SEMA5A: variants seen among roughly 807,000 people sequenced by gnomAD.
The protein encoded by SEMA5A is semaphorin 5A.
A neutral mutation model predicts 135.5 loss-of-function variants in SEMA5A; 55 were observed. That is an observed-to-expected ratio of 0.41 (90% CI 0.33 to 0.51). The LOEUF (loss-of-function observed/expected upper bound fraction) is 0.51, where lower values mean the gene tolerates loss of function less well. SEMA5A is among the 20% of genes least tolerant of loss of function. The probability of loss-of-function intolerance (pLI) is 0.37; values close to 1 mark genes in which losing one functional copy is unlikely to be tolerated. For missense variants in SEMA5A, 1,290 were observed against 1,419.9 expected (o/e 0.91, Z 1.47); for synonymous variants, 580 against 546.5 (o/e 1.06, Z -0.85).
chr5:9,176,716 C>T (rs1005074568), intron 11 of SEMA5A, among the ~76,000 whole-genome samples: 1 of 152,204 alleles, frequency 6.6e-6, no homozygotes, highest in Non-Finnish European at 1.5e-5. Flanking sequence ...AGTTCCTATT[C>T]CCAAAGCTGA....
intron 2 of SEMA5A, among the ~76,000 whole-genome samples, chr5:9,437,442 T>A (rs1402329548): frequency 2.0e-5 from 3 of 152,130 alleles, no homozygotes; most frequent in Non-Finnish European, 2.9e-5. Context: ...CTGCAAACTC[T>A]GCCTCCTGGG....
intron 5 of SEMA5A, among the ~76,000 whole-genome samples, chr5:9,272,852 C>A (rs1271088493): frequency 6.6e-6 from 1 of 152,026 alleles, no homozygotes; most frequent in African/African-American, 2.4e-5. Flanking sequence ...AGACACCAGC[C>A]AAAGGTCACT....
At chr5:9,496,489 A>C (rs1735307905) in intron 1 of SEMA5A, among the ~76,000 whole-genome samples, 1 of 152,238 alleles carries the variant, frequency 6.6e-6, no homozygotes, top group African/African-American at 2.4e-5. Flanking sequence ...AGAAACTTCC[A>C]CCTAGACAGT....
At chr5:9,301,671 A>G (rs184301614) in intron 5 of SEMA5A, among the ~76,000 whole-genome samples, 4 of 152,230 alleles carry the variant, frequency 2.6e-5, no homozygotes, top group African/African-American at 9.6e-5. Context: ...GCACAGTGCA[A>G]TGTCATTAAA....
intron 1 of SEMA5A, among the ~76,000 whole-genome samples, chr5:9,544,050 A>G (rs1390141722): frequency 6.6e-6 from 1 of 152,228 alleles, no homozygotes; most frequent in East Asian, 1.9e-4. Context: ...CAACAAATTC[A>G]GCAATCCTAA....
intron 16 of SEMA5A, among the ~76,000 whole-genome samples, chr5:9,106,719 T>G (rs1739935674): frequency 6.6e-6 from 1 of 152,232 alleles, no homozygotes; most frequent in Non-Finnish European, 1.5e-5. Context: ...GTTCATAAAT[T>G]TGTCATTTTA....
intron 5 of SEMA5A, among the ~76,000 whole-genome samples, chr5:9,264,549 G>A (rs1306152390): frequency 6.6e-6 from 1 of 152,164 alleles, no homozygotes; most frequent in Non-Finnish European, 1.5e-5. Context: ...GATGTCAGCT[G>A]AACCACTTGA....
Position 9,044,575 on chromosome 5 carries a change from A to G in SEMA5A, c.2903T>C (p.Met968Thr), listed in dbSNP as rs1349082231. 2.5e-6 allele frequency: 4 copies of G among 1,614,026 alleles called. No homozygotes were observed. The highest frequency in any genetic ancestry group is 1.7e-4 in the Middle Eastern group (1 of 5,966). The change falls in exon 22 of 23, where the codon ATG becomes ACG. Residue 968 changes from methionine to threonine, a missense_variant. By Grantham distance (81) the Met-to-Thr change is moderately conservative. This residue lies in a region of SEMA5A where 1,029 missense variants were observed against 1,086.6 expected (regional missense o/e 0.95). Transcript: ENST00000382496. ...CAGCCCCACGGCGATCATGTGGAAC[A>G]TGTTGAACTCTAGGGAGACATGAGC... is the stretch of plus-strand genomic sequence containing the variant. ...VEEKRCGEFN[M>T]FHMIAVGLSS...
chr5:9,067,361 A>G (rs548667270), intron 16 of SEMA5A, among the ~76,000 whole-genome samples: 2 of 152,212 alleles, frequency 1.3e-5, no homozygotes, highest in Admixed American at 6.5e-5. Context: ...TTTATTTGAC[A>G]AGCATTCTAC....
chr5:9,453,129 A>G (rs958701421), intron 1 of SEMA5A, among the ~76,000 whole-genome samples: 2 of 152,250 alleles, frequency 1.3e-5, no homozygotes, highest in Non-Finnish European at 1.5e-5. Flanking sequence ...TATTTTACAT[A>G]GTAATTGAGA....
At chr5:9,120,479 A>G (rs1418527772) in intron 14 of SEMA5A, among the ~76,000 whole-genome samples, 1 of 152,156 alleles carries the variant, frequency 6.6e-6, no homozygotes, top group Non-Finnish European at 1.5e-5. Flanking sequence ...GTATGATATT[A>G]TAATAAACCT....
rs576347294 is a variant in SEMA5A at position 9,398,020 on chromosome 5, C to T, written c.-77-17997G>A. Among the ~76,000 whole-genome samples the T allele has an allele frequency of 1.6e-4, 24 of 152,266 alleles. No individual in the cohort carries two copies. The South Asian group carries it at 1.7e-3, about 11-fold the overall frequency. On this transcript the variant is annotated intron_variant, in intron 2 of 22. Transcript: ENST00000382496. ...TCTTCTGATAGGAAGAGCTGATCCACGCTATCATCTTCAGAGAAAAATAAA... is the reference window on the plus strand; with the variant it reads ...TCTTCTGATAGGAAGAGCTGATCCATGCTATCATCTTCAGAGAAAAATAAA...
chr5:9,128,849 C>G (rs1741254255), intron 13 of SEMA5A, among the ~76,000 whole-genome samples: 1 of 152,256 alleles, frequency 6.6e-6, no homozygotes, highest in South Asian at 2.1e-4. Context: ...GGATAATTTG[C>G]TGTAGGGGCT....
intron 13 of SEMA5A, among the ~76,000 whole-genome samples, chr5:9,128,013 G>T (rs1320817142): frequency 6.6e-6 from 1 of 152,184 alleles, no homozygotes; most frequent in Non-Finnish European, 1.5e-5. Context: ...TGTCCTGGAG[G>T]GAACCTGAGA....
At chr5:9,351,728 T>C (rs923034228) in intron 3 of SEMA5A, among the ~76,000 whole-genome samples, 11 of 152,184 alleles carry the variant, frequency 7.2e-5, no homozygotes, top group African/African-American at 2.7e-4. Flanking sequence ...CAGTTCATTG[T>C]GAAATACACC....
intron 1 of SEMA5A, chr5:9,518,003 T>C (rs1445678069): frequency 6.6e-6 from 1 of 152,172 alleles, no homozygotes; most frequent in Non-Finnish European, 1.5e-5. Flanking sequence ...GCGTAAGTAG[T>C]AACTATGGAA....
In SEMA5A at chr5:9,191,195, A is replaced by G. The variant is rs918154886; in HGVS notation, c.1069-724T>C. Among the ~76,000 whole-genome samples, 4 of 152,308 alleles carry G rather than the reference A, an allele frequency of 2.6e-5. No homozygotes were observed. In the South Asian group the frequency reaches 8.3e-4, roughly 32 times the overall value. On this transcript the variant is annotated intron_variant, in intron 10 of 22. Coordinates refer to ENST00000382496, the MANE Select transcript of SEMA5A (RefSeq NM_003966.3). ...AGTAGAAAGGAATAAAGAAGGAAGA[A>G]GGAAGGAAAGAGATTTCAGATAGAG...
chr5:9,175,161 G>T (rs1406497283), intron 11 of SEMA5A, among the ~76,000 whole-genome samples: 2 of 152,066 alleles, frequency 1.3e-5, no homozygotes, highest in Non-Finnish European at 1.5e-5. Flanking sequence ...CATCCCCAAA[G>T]GAATTGCAAA....
intron 12 of SEMA5A, among the ~76,000 whole-genome samples, chr5:9,147,858 T>C (rs1320198435): frequency 2.0e-5 from 3 of 152,228 alleles, no homozygotes; most frequent in Non-Finnish European, 4.4e-5. Flanking sequence ...AGGTATGAAG[T>C]AAATTAGCAG....
Sources: allele counts gnomAD v4.1 joint callset (sites outside exome capture counted in the v4.1 genomes callset), GRCh38; gene constraint gnomAD v4.1.1; regional missense constraint gnomAD v4.1.1; transcripts MANE v1.5; gene names NCBI Gene and HGNC (gene_info 2026-07-23, HGNC 2026-07-21).